Variants in FHOD3 observed in about 807,000 individuals in gnomAD.
FHOD3 encodes the protein FH1/FH2 domain-containing protein 3.
FHOD3 carries 90 observed loss-of-function variants against 173.0 expected under a neutral mutation model. That is an observed-to-expected ratio of 0.52 (90% CI 0.44 to 0.62). The LOEUF (loss-of-function observed/expected upper bound fraction) is 0.62, where lower values mean the gene tolerates loss of function less well. FHOD3 is among the 20% of genes least tolerant of loss of function. The probability of loss-of-function intolerance (pLI) is 0.00; values close to 1 mark genes in which losing one functional copy is unlikely to be tolerated. For synonymous variants in FHOD3, 828 were observed against 823.0 expected, an observed-to-expected ratio of 1.01 and a Z score of -0.10; for missense variants, 1,945 against 2,034.7, an observed-to-expected ratio of 0.96 and a Z score of 0.85.
chr18:36,403,253 A>C (rs1453297236), intron 3 of FHOD3, among the ~76,000 whole-genome samples: 3 of 152,114 alleles, frequency 2.0e-5, no homozygotes, highest in Non-Finnish European at 4.4e-5. Flanking sequence ...TCCTCCCTCT[A>C]CCCACCTTTT....
At position 36,681,542 on chromosome 18, in the gene FHOD3, A is replaced by G. The variant is rs2038237323; in HGVS notation, c.1942A>G (p.Ile648Val). The change falls in exon 15 of 29, where the codon ATA becomes GTA. Residue 648 changes from isoleucine to valine, a missense_variant. By Grantham distance (29) the Ile-to-Val change is conservative (BLOSUM62 3). This residue lies in a region of FHOD3 where 1,099 missense variants were observed against 1,051.2 expected (regional missense o/e 1.05). Transcript: ENST00000590592. The stretch of plus-strand genomic sequence containing the variant: ...GGAGAGAGAAGAAAGGTTGCAGAGA[A>G]TAGAGCGGGAAGAAAGAAACAAATT... ...RQEREERLQR[I>V]EREERNKFSR... 4 of 1,613,802 alleles carry G rather than the reference A, an allele frequency of 2.5e-6. No individual in the cohort carries two copies. In the African/African-American group the frequency reaches 4.0e-5, roughly 16 times the overall value.
At chr18:36,466,624 A>C (rs1048476373) in intron 3 of FHOD3, among the ~76,000 whole-genome samples, 2 of 152,194 alleles carry the variant, frequency 1.3e-5, no homozygotes, top group Non-Finnish European at 2.9e-5. Flanking sequence ...AACTTTGTTT[A>C]AAAACTTGGG....
chr18:36,512,119 G>C (rs777157615), intron 4 of FHOD3, among the ~76,000 whole-genome samples: 1 of 152,250 alleles, frequency 6.6e-6, no homozygotes, highest in Non-Finnish European at 1.5e-5. Context: ...CCTTGGGACC[G>C]TGGGGGAGTA....
chr18:36,624,258 A>G (rs2033924867), intron 9 of FHOD3, among the ~76,000 whole-genome samples: 1 of 152,224 alleles, frequency 6.6e-6, no homozygotes, highest in Non-Finnish European at 1.5e-5. Context: ...TTACCTTTAC[A>G]TAAGTGATTC....
rs1027636249 is a variant in FHOD3, at chr18:36,779,692, G to C, written c.*162G>C. On this transcript the variant is annotated 3_prime_UTR_variant, in exon 29 of 29. Transcript: ENST00000590592. ...CCCCATGGCTTGTGTTGCCTGCTAC[G>C]CATTGACTTGGATCTCCAGGAGTCC... 10 of 637,636 alleles carry C rather than the reference G, an allele frequency of 1.6e-5. No individual in the cohort carries two copies. The highest frequency in any genetic ancestry group is 2.8e-5 in the Non-Finnish European group (10 of 362,150). The allele number at this position is 637,636 out of a possible 1,614,324, so 39.5% of individuals were successfully genotyped here. A position where few individuals can be genotyped will look rare whatever the true frequency, so the allele number is the denominator to read the frequency against.
intron 1 of FHOD3, among the ~76,000 whole-genome samples, chr18:36,329,319 A>T (rs535875879): frequency 6.6e-6 from 1 of 151,530 alleles, no homozygotes; most frequent in South Asian, 2.1e-4. Flanking sequence ...TTGTACCCCC[A>T]CCCCCAAATT....
rs549367137 is a variant in FHOD3, at chr18:36,755,035, T to C, written c.4233-84T>C. 8 of 506,550 alleles carry C rather than the reference T, an allele frequency of 1.6e-5. No individual in the cohort carries two copies. The South Asian group carries it at 2.5e-4, about 16-fold the overall frequency. The allele number at this position is 506,550 out of a possible 1,614,324, so 31.4% of individuals were successfully genotyped here. ...TTATTATTTATTTTAAGTTCTCACATTGGTTTCTTACTGAGAGATTTTAGA... is the reference window on the plus strand; with the variant it reads ...TTATTATTTATTTTAAGTTCTCACACTGGTTTCTTACTGAGAGATTTTAGA... On this transcript the variant is annotated intron_variant, in intron 24 of 28. Transcript: ENST00000590592.
At chr18:36,523,398 T>G (rs2056369197) in intron 5 of FHOD3, among the ~76,000 whole-genome samples, 1 of 152,202 alleles carries the variant, frequency 6.6e-6, no homozygotes, top group Non-Finnish European at 1.5e-5. Context: ...AAAATTAGTT[T>G]ATTTCTCTTG....
chr18:36,658,096 C>T lies in FHOD3; in HGVS notation c.1743C>T (p.Asn581=), dbSNP rs369028373. Residue 581 remains asparagine (N), a synonymous_variant, in exon 14 of 29, where the codon AAC becomes AAT. Transcript: ENST00000590592. ...TTAGATACAGCAATTTTGGCAATAA[C>T]TCTTATCACTCCTCAAGACCCTCAT... ...SSNRYSNFGN[N]SYHSSRPSSG... The T allele has an allele frequency of 2.8e-5, 45 of 1,607,430 alleles. No individual in the cohort carries two copies. In the African/African-American group the frequency reaches 5.9e-4, roughly 21 times the overall value.
At chr18:36,442,804 T>G (rs1245012400) in intron 3 of FHOD3, among the ~76,000 whole-genome samples, 1 of 152,236 alleles carries the variant, frequency 6.6e-6, no homozygotes, top group Non-Finnish European at 1.5e-5. Context: ...ACTAATGCCC[T>G]TTTTCCTATT....
intron 9 of FHOD3, 95 bp from the exon 10 acceptor site, chr18:36,625,416 A>G: frequency 8.7e-7 from 1 of 1,150,752 alleles, no homozygotes; most frequent in Non-Finnish European, 1.1e-6. Flanking sequence ...AGAGTTAAAA[A>G]TCCCTATTAG....
At chr18:36,699,956 C>T (rs1229129671) in intron 17 of FHOD3, among the ~76,000 whole-genome samples, 1 of 152,122 alleles carries the variant, frequency 6.6e-6, no homozygotes, top group African/African-American at 2.4e-5. Context: ...CCTCTTTGTC[C>T]TCTAGATCAT....
In FHOD3 at chr18:36,477,544, C is replaced by T. The variant is rs1790636; in HGVS notation, c.338-24388C>T. Among the ~76,000 whole-genome samples the T allele has an allele frequency of 5.1e-3, 325 of 63,264 alleles. 2 individuals are homozygous for T. Among genetic ancestry groups the T allele is most frequent in the South Asian group, 9.2e-3 (12 of 1,298 alleles). 41.5% of individuals were successfully genotyped at this position (63,264 alleles called of 152,430 possible). On this transcript the variant is annotated intron_variant, in intron 3 of 28. Coordinates refer to ENST00000590592, the MANE Select transcript of FHOD3 (RefSeq NM_001281740.3). ...CCATCCATCCACCCACCCACCCACC[C>T]ACCTACCTACCTACCTACCTACCTA...
At chr18:36,484,630 G>C (rs1000714666) in intron 3 of FHOD3, among the ~76,000 whole-genome samples, 44 of 152,176 alleles carry the variant, frequency 2.9e-4, no homozygotes, top group African/African-American at 1.0e-3. Flanking sequence ...GCTTGGTTTA[G>C]TCCTAATGGC....
At chr18:36,553,789 G>GA (rs2057759899) in intron 5 of FHOD3, among the ~76,000 whole-genome samples, 1 of 151,872 alleles carries the variant, frequency 6.6e-6, no homozygotes, top group Admixed American at 6.6e-5. Flanking sequence ...AAATTTACAA[G>GA]AAAAAAATCA....
intron 5 of FHOD3, among the ~76,000 whole-genome samples, chr18:36,520,335 A>T (rs985495671): frequency 1.3e-5 from 2 of 152,228 alleles, no homozygotes; most frequent in African/African-American, 4.8e-5. Context: ...CAGTTGTAAC[A>T]GAAATACTTC....
rs1162512957 is a variant in FHOD3, at chr18:36,297,726, C to CGCGAGCCA, written c.-103_-96dup. 2 of 841,750 alleles carry CGCGAGCCA rather than the reference C, an allele frequency of 2.4e-6. No individual in the cohort carries two copies. The highest frequency in any genetic ancestry group is 3.0e-6 in the Non-Finnish European group (2 of 656,196). The allele number at this position is 841,750 out of a possible 1,614,324, so 52.1% of individuals were successfully genotyped here. ...CCCGGCGCGCCTGAGCCTGCGAGTC[C>CGCGAGCCA]GCGAGCCAGCGAGCTGCGGCTGCGG... On this transcript the variant is annotated 5_prime_UTR_variant, in exon 1 of 29. Transcript: ENST00000590592.
intron 3 of FHOD3, among the ~76,000 whole-genome samples, chr18:36,391,955 A>C (rs1343827770): frequency 6.6e-6 from 1 of 152,128 alleles, no homozygotes. Flanking sequence ...CACAGCTGAG[A>C]TGGGGCATGT....
chr18:36,381,096 C>T (rs970852317), intron 3 of FHOD3, among the ~76,000 whole-genome samples: 9 of 152,298 alleles, frequency 5.9e-5, no homozygotes, highest in South Asian at 2.1e-4. Flanking sequence ...ATACAATTGC[C>T]GAGACCGAGG....
Sources: gnomAD v4.1 joint callset for allele counts (sites outside exome capture counted in the v4.1 genomes callset) on GRCh38, gnomAD v4.1.1 for gene constraint, gnomAD v4.1.1 regional missense constraint, MANE v1.5 for transcripts, NCBI Gene and HGNC (gene_info 2026-07-23, HGNC 2026-07-21) for gene names.